TMC1: variants seen among roughly 807,000 people sequenced by gnomAD.
TMC1 encodes transmembrane channel like 1, also known as transmembrane channel-like protein 1.
Under a neutral mutation model 105.8 loss-of-function variants are expected in TMC1, and 84 were observed. That is an observed-to-expected ratio of 0.79 (90% CI 0.67 to 0.95). TMC1 has a LOEUF of 0.95. TMC1 is among the 40% of genes least tolerant of loss of function. The pLI is 0.00. For missense variants in TMC1, 817 were observed against 914.1 expected (o/e 0.89, Z 1.37); for synonymous variants, 315 against 311.5 (o/e 1.01, Z -0.12).
chr9:72,659,797 G>T (rs1271993470), intron 5 of TMC1, among the ~76,000 whole-genome samples: 1 of 152,164 alleles, frequency 6.6e-6, no homozygotes, highest in African/African-American at 2.4e-5. Context: ...TAACTCGTTA[G>T]AACTTTTATG....
chr9:72,828,051 A>T (rs1315535249), intron 21 of TMC1, among the ~76,000 whole-genome samples: 1 of 152,212 alleles, frequency 6.6e-6, no homozygotes, highest in Non-Finnish European at 1.5e-5. Context: ...GAGAGAGAGT[A>T]AAATGGTCAT....
intron 1 of TMC1, among the ~76,000 whole-genome samples, chr9:72,525,137 C>T (rs1823384230): frequency 6.6e-6 from 1 of 152,114 alleles, no homozygotes. Flanking sequence ...TCCAGGTGTC[C>T]AAATATAATA....
chr9:72,618,390 AT>A (rs1395825748), intron 3 of TMC1, among the ~76,000 whole-genome samples: 5 of 152,198 alleles, frequency 3.3e-5, no homozygotes, highest in Non-Finnish European at 5.9e-5. Context: ...TAAGAAAAAA[AT>A]AGAATAAAAA....
intron 14 of TMC1, 64 bp from the exon 15 acceptor site, chr9:72,789,059 T>G (rs894907301): frequency 6.6e-7 from 1 of 1,526,538 alleles, no homozygotes; most frequent in Non-Finnish European, 9.1e-7. Flanking sequence ...TTTGATACTT[T>G]TAAAATGTAG....
At chr9:72,637,229 TA>T (rs1240539607) in intron 4 of TMC1, among the ~76,000 whole-genome samples, 1 of 151,858 alleles carries the variant, frequency 6.6e-6, no homozygotes, top group Non-Finnish European at 1.5e-5. Flanking sequence ...TGGTTATTAT[TA>T]TTTTTTTGTT....
rs145351571 is a variant in TMC1 at position 72,760,685 on chromosome 9, G to T, written c.741+5801G>T. On this transcript the variant is annotated intron_variant, in intron 12 of 23. Coordinates refer to ENST00000297784, the MANE Select transcript of TMC1 (RefSeq NM_138691.3). ...TAGAGGTAAGTTATTCCACATAGAG[G>T]CAGGTGAACAGAAGCAGAATAGATT... 2.0e-5 allele frequency among the ~76,000 whole-genome samples: 3 copies of T among 152,268 alleles called. No homozygotes were observed. The East Asian group carries it at 5.8e-4, about 29-fold the overall frequency.
At chr9:72,631,956 T>G (rs1311228840) in intron 4 of TMC1, among the ~76,000 whole-genome samples, 1 of 152,150 alleles carries the variant, frequency 6.6e-6, no homozygotes, top group Non-Finnish European at 1.5e-5. Context: ...GGCAAGGAAG[T>G]AAAGGAATAC....
chr9:72,659,236 C>A (rs1825932307), intron 5 of TMC1, among the ~76,000 whole-genome samples: 2 of 152,146 alleles, frequency 1.3e-5, no homozygotes, highest in Non-Finnish European at 2.9e-5. Context: ...AATCTGAATT[C>A]TCAAAATGAG....
intron 13 of TMC1, among the ~76,000 whole-genome samples, chr9:72,784,303 G>A (rs1055903978): frequency 9.9e-5 from 15 of 152,038 alleles, no homozygotes; most frequent in African/African-American, 4.8e-5. Context: ...AGGCACACAC[G>A]GCCATTAAGC....
chr9:72,619,302 C>T (rs1316706644), intron 3 of TMC1, among the ~76,000 whole-genome samples: 1 of 152,132 alleles, frequency 6.6e-6, no homozygotes, highest in African/African-American at 2.4e-5. Flanking sequence ...ATATTAGACA[C>T]AACTTAAATA....
rs896217360 is a variant in TMC1, at chr9:72,574,055, T to G, written c.-427-3847T>G. On this transcript the variant is annotated intron_variant, in intron 1 of 23. Coordinates refer to ENST00000297784, the MANE Select transcript of TMC1 (RefSeq NM_138691.3). Reference sequence around the variant, plus strand: ...AGAACACGCAGTATATGATTTTCTGTTCCTGCGTTAGTTTGCTGATGATAA... The same window carrying G: ...AGAACACGCAGTATATGATTTTCTGGTCCTGCGTTAGTTTGCTGATGATAA... Among the ~76,000 whole-genome samples the G allele has an allele frequency of 2.0e-5, 3 of 152,350 alleles. No individual in the cohort carries two copies. In the East Asian group the frequency reaches 5.8e-4, roughly 29 times the overall value.
chr9:72,664,419 A>C (rs1018937440), intron 5 of TMC1, among the ~76,000 whole-genome samples: 1 of 152,212 alleles, frequency 6.6e-6, no homozygotes, highest in Non-Finnish European at 1.5e-5. Context: ...GGAAACCTGC[A>C]GTCCTAAATG....
chr9:72,531,887 T>G (rs1823502982), intron 1 of TMC1, among the ~76,000 whole-genome samples: 1 of 152,186 alleles, frequency 6.6e-6, no homozygotes. Flanking sequence ...GGCAATTCAT[T>G]AGAATCCTGC....
chr9:72,641,472 G>A (rs1031951142), intron 4 of TMC1, among the ~76,000 whole-genome samples: 1 of 152,188 alleles, frequency 6.6e-6, no homozygotes, highest in Non-Finnish European at 1.5e-5. Flanking sequence ...AGTAGAAAAA[G>A]CTCAATAATG....
chr9:72,606,988 T>TGTGTGTGCGTGC (rs1824928365), intron 2 of TMC1, among the ~76,000 whole-genome samples: 1 of 102,702 alleles, frequency 9.7e-6, no homozygotes, highest in African/African-American at 4.2e-5. Flanking sequence ...TGTGCATATA[T>TGTGTGTGCGTGC]ATATATATAT....
chr9:72,661,271 T>A (rs1371341386), intron 5 of TMC1, among the ~76,000 whole-genome samples: 1 of 152,258 alleles, frequency 6.6e-6, no homozygotes, highest in Non-Finnish European at 1.5e-5. Flanking sequence ...CCATGATGTT[T>A]CCTCTTTATT....
chr9:72,801,309 A>G (rs1828466770), intron 17 of TMC1, among the ~76,000 whole-genome samples: 1 of 152,194 alleles, frequency 6.6e-6, no homozygotes, highest in Admixed American at 6.5e-5. Flanking sequence ...TAAAATGGCT[A>G]ATGTGCCAAG....
At chr9:72,770,734 TG>T (rs1002749810) in intron 12 of TMC1, among the ~76,000 whole-genome samples, 27 of 152,274 alleles carry the variant, frequency 1.8e-4, no homozygotes, top group African/African-American at 6.0e-4. Flanking sequence ...AAACCAGTGC[TG>T]TAATTCAGTC....
intron 1 of TMC1, among the ~76,000 whole-genome samples, chr9:72,554,408 C>G (rs958283712): frequency 1.3e-5 from 2 of 152,164 alleles, no homozygotes; most frequent in African/African-American, 4.8e-5. Context: ...TTTCCAGTTA[C>G]ATATTTGCAT....
Sources: gnomAD v4.1 joint callset for allele counts (sites outside exome capture counted in the v4.1 genomes callset) on GRCh38, gnomAD v4.1.1 for gene constraint, MANE v1.5 for transcripts, NCBI Gene and HGNC (gene_info 2026-07-23, HGNC 2026-07-21) for gene names.